Variants in KIAA1549L observed in about 807,000 individuals in gnomAD.
The protein encoded by KIAA1549L is KIAA1549 like.
A neutral mutation model predicts 160.7 loss-of-function variants in KIAA1549L; 88 were observed. That is an observed-to-expected ratio of 0.55 (90% CI 0.46 to 0.65). The LOEUF is 0.65. Among genes scored for constraint, KIAA1549L ranks in the 30% least tolerant of loss-of-function variants. The pLI is 0.00. For synonymous variants in KIAA1549L, 950 were observed against 976.7 expected (o/e 0.97, Z 0.51); for missense variants, 2,258 against 2,437.5 (o/e 0.93, Z 1.55).
chr11:33,556,797 G>A (rs972730160), intron 6 of KIAA1549L, among the ~76,000 whole-genome samples: 39 of 152,140 alleles, frequency 2.6e-4, no homozygotes, highest in African/African-American at 9.2e-4. Flanking sequence ...ATGGATGGTG[G>A]TGATGGTTGT....
intron 16 of KIAA1549L, among the ~76,000 whole-genome samples, chr11:33,633,666 T>C (rs1851363526): frequency 6.6e-6 from 1 of 152,210 alleles, no homozygotes; most frequent in Non-Finnish European, 1.5e-5. Context: ...GAGAAAGCCA[T>C]TCTGATATGT....
At chr11:33,435,203 T>C (rs983289093) in intron 1 of KIAA1549L, among the ~76,000 whole-genome samples, 3 of 152,212 alleles carry the variant, frequency 2.0e-5, no homozygotes, top group African/African-American at 7.2e-5. Context: ...TCCAAGGGTG[T>C]TTCTGATTTG....
At chr11:33,605,261 G>A (rs760026374) in intron 13 of KIAA1549L, among the ~76,000 whole-genome samples, 2 of 152,054 alleles carry the variant, frequency 1.3e-5, no homozygotes, top group Non-Finnish European at 2.9e-5. Context: ...ACACAGGTCA[G>A]TCCCATTCAT....
At chr11:33,427,790 C>G (rs554216473) in intron 1 of KIAA1549L, among the ~76,000 whole-genome samples, 2 of 152,302 alleles carry the variant, frequency 1.3e-5, no homozygotes, top group South Asian at 4.1e-4. Context: ...CCTCTCTTCT[C>G]TCCCCTGCAG....
At chr11:33,427,296 T>C (rs1178746296) in intron 1 of KIAA1549L, among the ~76,000 whole-genome samples, 1 of 152,200 alleles carries the variant, frequency 6.6e-6, no homozygotes. Context: ...TTAACCTGGC[T>C]GCCTGAATCC....
intron 1 of KIAA1549L, among the ~76,000 whole-genome samples, chr11:33,486,772 C>CA (rs1228879388): frequency 6.6e-6 from 1 of 152,110 alleles, no homozygotes. Flanking sequence ...ATGAATAACT[C>CA]AACCAAGGAG....
rs1290562814 is a variant in KIAA1549L at position 33,641,635 on chromosome 11, C to T, written c.5410-4051C>T. On this transcript the variant is annotated intron_variant, in intron 16 of 20. Coordinates refer to ENST00000658780, the MANE Select transcript of KIAA1549L (RefSeq NM_012194.3). Reference sequence around the variant, plus strand: ...ATATATATATATATATATATATATACACAGTGGGTAAGAGCTTAGGTGACG... The same window carrying T: ...ATATATATATATATATATATATATATACAGTGGGTAAGAGCTTAGGTGACG... Among the ~76,000 whole-genome samples, 359 of 95,572 alleles carry T rather than the reference C, an allele frequency of 3.8e-3. 1 individual carries two copies. The highest frequency in any genetic ancestry group is 5.8e-3 in the Non-Finnish European group (285 of 49,498). The allele number at this position is 95,572 out of a possible 152,430, so 62.7% of individuals were successfully genotyped here.
At chr11:33,448,303 A>G (rs1282226050) in intron 1 of KIAA1549L, among the ~76,000 whole-genome samples, 1 of 152,150 alleles carries the variant, frequency 6.6e-6, no homozygotes, top group Non-Finnish European at 1.5e-5. Flanking sequence ...TGCTGCAGCC[A>G]TAATAATACT....
chr11:33,473,736 G>A (rs1277266641), intron 1 of KIAA1549L, among the ~76,000 whole-genome samples: 7 of 151,900 alleles, frequency 4.6e-5, no homozygotes, highest in Non-Finnish European at 8.8e-5. Flanking sequence ...CTCCCCTCTT[G>A]GCTAATTTTA....
intron 1 of KIAA1549L, among the ~76,000 whole-genome samples, chr11:33,406,674 GC>G (rs1000766672): frequency 2.2e-4 from 34 of 152,312 alleles, no homozygotes; most frequent in African/African-American, 7.0e-4. Context: ...CTTTCTTAAG[GC>G]CCCCTAGCCC....
chr11:33,561,559 G>A (rs1854859025), intron 7 of KIAA1549L, 117 bp from the exon 8 acceptor site: 1 of 789,812 alleles, frequency 1.3e-6, no homozygotes, highest in Non-Finnish European at 2.1e-6. Context: ...TTGAGCCCAG[G>A]AGTTCAAGAA....
intron 11 of KIAA1549L, among the ~76,000 whole-genome samples, chr11:33,586,996 C>T (rs1590371071): frequency 1.3e-5 from 2 of 152,162 alleles, no homozygotes; most frequent in African/African-American, 4.8e-5. Flanking sequence ...CAAAGACAGT[C>T]CCTGTCGTTG....
At chr11:33,585,698 C>A (rs1169160529) in intron 11 of KIAA1549L, among the ~76,000 whole-genome samples, 1 of 151,998 alleles carries the variant, frequency 6.6e-6, no homozygotes, top group Non-Finnish European at 1.5e-5. Context: ...TAGATTAAAC[C>A]AAAATTGTAC....
chr11:33,553,360 T>G (rs918918965), intron 6 of KIAA1549L, among the ~76,000 whole-genome samples: 3 of 151,978 alleles, frequency 2.0e-5, no homozygotes, highest in African/African-American at 7.3e-5. Context: ...GACAGATGCT[T>G]CTTAATGATA....
At chr11:33,617,335 C>CA (rs1207652919) in intron 15 of KIAA1549L, among the ~76,000 whole-genome samples, 1 of 152,122 alleles carries the variant, frequency 6.6e-6, no homozygotes, top group African/African-American at 2.4e-5. Context: ...AGAAGAAAAG[C>CA]ATAGCCAATC....
Position 33,542,495 on chromosome 11 carries a change from G to C in KIAA1549L, c.932G>C (p.Gly311Ala), listed in dbSNP as rs756284803. Residue 311 changes from glycine to alanine, a missense_variant, in exon 2 of 21, where the codon GGC becomes GCC. By Grantham distance (60) the Gly-to-Ala change is moderately conservative. This residue lies in a region of KIAA1549L where 540 missense variants were observed against 465.7 expected (regional missense o/e 1.16). Transcript: ENST00000658780. ...TASQNAQDLI[G>A]IPHLGVSGSS... ...TCCCAAAATGCCCAGGATCTCATAG[G>C]CATCCCTCATCTAGGTGTTTCTGGA... The C allele has an allele frequency of 3.1e-6, 5 of 1,613,392 alleles. No homozygotes were observed. The East Asian group carries it at 6.7e-5, about 22-fold the overall frequency.
intron 15 of KIAA1549L, 48 bp downstream of exon 15, chr11:33,610,014 A>T: frequency 6.9e-7 from 1 of 1,448,960 alleles, no homozygotes; most frequent in South Asian, 1.2e-5. Context: ...CATTGGTGGG[A>T]TAAGGGCAGG....
intron 4 of KIAA1549L, among the ~76,000 whole-genome samples, chr11:33,550,827 G>A (rs1854434835): frequency 6.6e-6 from 1 of 152,092 alleles, no homozygotes; most frequent in African/African-American, 2.4e-5. Context: ...ATACCATGAA[G>A]GTTTGATGTA....
In KIAA1549L at chr11:33,661,032, C is replaced by A; in HGVS notation, c.6159+18C>A. On this transcript the variant is annotated intron_variant, in intron 20 of 20. Transcript: ENST00000658780. ...CAGATTCGGTGAGACCCTTGCTCTT[C>A]ACCTCATAAAACTTTACCTGCTTAA... The A allele has an allele frequency of 2.1e-5, 33 of 1,593,880 alleles. No homozygotes were observed. Among genetic ancestry groups the A allele is most frequent in the Non-Finnish European group, 2.8e-5 (33 of 1,169,356 alleles).
Sources: gnomAD v4.1 joint callset for allele counts (sites outside exome capture counted in the v4.1 genomes callset) on GRCh38, gnomAD v4.1.1 for gene constraint, gnomAD v4.1.1 regional missense constraint, MANE v1.5 for transcripts, NCBI Gene and HGNC (gene_info 2026-07-23, HGNC 2026-07-21) for gene names.